CACNA2D3: variants seen among roughly 807,000 people sequenced by gnomAD.
CACNA2D3 encodes the protein calcium voltage-gated channel auxiliary subunit alpha2delta 3, also known as voltage-dependent calcium channel subunit alpha-2/delta-3.
CACNA2D3 carries 60 observed loss-of-function variants against 160.6 expected under a neutral mutation model. That is an observed-to-expected ratio of 0.37 (90% confidence interval 0.30 to 0.46). The LOEUF is 0.46. Among genes scored for constraint, CACNA2D3 ranks in the 20% least tolerant of loss-of-function variants. CACNA2D3 has a pLI of 1.00. For missense variants in CACNA2D3, 1,205 were observed against 1,365.0 expected (o/e 0.88, Z 1.85); for synonymous variants, 558 against 492.9 (o/e 1.13, Z -1.75).
At chr3:54,566,336 A>C (rs1702408624) in intron 6 of CACNA2D3, among the ~76,000 whole-genome samples, 1 of 152,092 alleles carries the variant, frequency 6.6e-6, no homozygotes, top group East Asian at 1.9e-4. Flanking sequence ...ATCTCATCTA[A>C]TGAGTAGTGT....
At chr3:54,467,340 C>T (rs1179124518) in intron 4 of CACNA2D3, among the ~76,000 whole-genome samples, 1 of 152,154 alleles carries the variant, frequency 6.6e-6, no homozygotes, top group African/African-American at 2.4e-5. Flanking sequence ...CTTGGAAATA[C>T]ATCAATGCTG....
intron 17 of CACNA2D3, among the ~76,000 whole-genome samples, chr3:54,846,771 AC>A (rs1041862026): frequency 1.3e-5 from 2 of 152,168 alleles, no homozygotes; most frequent in African/African-American, 4.8e-5. Context: ...ACAGCATGAA[AC>A]CTATCATAAC....
intron 4 of CACNA2D3, among the ~76,000 whole-genome samples, chr3:54,495,457 A>G (rs1701188660): frequency 6.6e-6 from 1 of 152,182 alleles, no homozygotes; most frequent in African/African-American, 2.4e-5. Flanking sequence ...TCATCAAGAT[A>G]GGGCAATTTG....
chr3:54,772,527 C>T (rs1052860663), intron 13 of CACNA2D3, among the ~76,000 whole-genome samples: 2 of 151,962 alleles, frequency 1.3e-5, no homozygotes, highest in African/African-American at 4.8e-5. Flanking sequence ...CTTTCAGGGC[C>T]CATTCTCCCT....
intron 11 of CACNA2D3, among the ~76,000 whole-genome samples, chr3:54,740,385 C>G (rs1701626192): frequency 6.6e-6 from 1 of 152,184 alleles, no homozygotes. Flanking sequence ...CCACCCTATT[C>G]ACCTGAGGCT....
intron 27 of CACNA2D3, among the ~76,000 whole-genome samples, chr3:54,929,866 ATTAAT>A (rs1454865038): frequency 6.6e-6 from 1 of 152,190 alleles, no homozygotes; most frequent in Non-Finnish European, 1.5e-5. Context: ...GCATTCAATC[ATTAAT>A]TTATCATAAC....
chr3:54,562,947 T>A lies in CACNA2D3; in HGVS notation c.676+16T>A. 1 of 1,610,328 alleles carries A rather than the reference T, an allele frequency of 6.2e-7. No individual in the cohort carries two copies. Among genetic ancestry groups the A allele is most frequent in the East Asian group, 2.2e-5 (1 of 44,778 alleles). On this transcript the variant is annotated intron_variant, in intron 6 of 37. Coordinates refer to ENST00000474759, the MANE Select transcript of CACNA2D3 (RefSeq NM_018398.3). ...CAGTATCCGGGTGAGTATACCTGCA[T>A]TGACAGTTATGACTCAGATTAATGA...
At chr3:54,894,451 C>T (rs760059644) in intron 25 of CACNA2D3, among the ~76,000 whole-genome samples, 2 of 152,230 alleles carry the variant, frequency 1.3e-5, no homozygotes, top group African/African-American at 2.4e-5. Context: ...CCAGCCACCC[C>T]CAAAGCCTGA....
intron 2 of CACNA2D3, among the ~76,000 whole-genome samples, chr3:54,249,693 A>ACACG (rs1702147931): frequency 6.6e-6 from 1 of 150,710 alleles, no homozygotes. Flanking sequence ...ACACACACAC[A>ACACG]CACACCCCTC....
chr3:54,987,483 T>C (rs549873455), intron 30 of CACNA2D3, among the ~76,000 whole-genome samples, 200 bp from the exon 31 acceptor site: 22 of 152,302 alleles, frequency 1.4e-4, no homozygotes, highest in African/African-American at 5.0e-4. Context: ...CCACGTACTG[T>C]GGAAGCATTC....
intron 11 of CACNA2D3, among the ~76,000 whole-genome samples, chr3:54,667,975 T>C (rs1040344906): frequency 6.6e-6 from 1 of 151,950 alleles, no homozygotes; most frequent in Non-Finnish European, 1.5e-5. Flanking sequence ...AAAATAGATA[T>C]TTTTATATTA....
At chr3:54,132,121 C>T (rs1040419548) in intron 2 of CACNA2D3, among the ~76,000 whole-genome samples, 33 of 152,202 alleles carry the variant, frequency 2.2e-4, no homozygotes, top group African/African-American at 6.0e-4. Context: ...AATATGACTG[C>T]GTCATGTACA....
chr3:54,139,223 T>C (rs1699873864), intron 2 of CACNA2D3, among the ~76,000 whole-genome samples: 2 of 152,232 alleles, frequency 1.3e-5, no homozygotes, highest in Admixed American at 1.3e-4. Flanking sequence ...GCTTTCTTCT[T>C]TTCACTTTGT....
intron 11 of CACNA2D3, among the ~76,000 whole-genome samples, chr3:54,715,844 A>G (rs1258859570): frequency 6.6e-6 from 1 of 152,228 alleles, no homozygotes; most frequent in African/African-American, 2.4e-5. Flanking sequence ...AGCCAAACAC[A>G]GAAAGACAAA....
At chr3:54,253,433 C>T (rs956071932) in intron 2 of CACNA2D3, among the ~76,000 whole-genome samples, 1 of 151,950 alleles carries the variant, frequency 6.6e-6, no homozygotes, top group Non-Finnish European at 1.5e-5. Flanking sequence ...GAGCAGGAGC[C>T]AGAGAGAGAG....
chr3:54,461,244 G>C (rs1339703095), intron 4 of CACNA2D3, among the ~76,000 whole-genome samples: 1 of 151,336 alleles, frequency 6.6e-6, no homozygotes, highest in Admixed American at 6.6e-5. Context: ...TCTCTTTTTT[G>C]GTTGTGTCTC....
At chr3:54,722,804 A>T (rs1701193963) in intron 11 of CACNA2D3, among the ~76,000 whole-genome samples, 1 of 152,230 alleles carries the variant, frequency 6.6e-6, no homozygotes, top group East Asian at 1.9e-4. Context: ...TGCCAGCCAG[A>T]GCTCTCCTGT....
At chr3:54,771,425 G>A (rs1262604833) in intron 13 of CACNA2D3, among the ~76,000 whole-genome samples, 1 of 152,168 alleles carries the variant, frequency 6.6e-6, no homozygotes, top group Admixed American at 6.5e-5. Flanking sequence ...GGAAGCGTTG[G>A]CTGCACTGCA....
chr3:54,817,077 T>C (rs538131788), intron 14 of CACNA2D3, among the ~76,000 whole-genome samples: 1 of 152,316 alleles, frequency 6.6e-6, no homozygotes, highest in East Asian at 1.9e-4. Context: ...CAAAGGACCC[T>C]ATAGTGGCCA....
Sources: allele counts gnomAD v4.1 joint callset (sites outside exome capture counted in the v4.1 genomes callset), GRCh38; gene constraint gnomAD v4.1.1; transcripts MANE v1.5; gene names NCBI Gene and HGNC (gene_info 2026-07-23, HGNC 2026-07-21).